The following LIN54 variants were observed in gnomAD, a reference collection of about 807,000 sequenced individuals.
LIN54 encodes lin-54 DREAM MuvB core complex component, also known as protein lin-54 homolog.
A neutral mutation model predicts 78.7 loss-of-function variants in LIN54; 9 were observed. The ratio of observed to expected loss-of-function variants is 0.11; its 90% CI spans 0.07 to 0.20. The LOEUF is 0.20. Among genes scored for constraint, LIN54 ranks in the 10% least tolerant of loss-of-function variants. LIN54 has a pLI of 1.00. For synonymous variants in LIN54, 269 were observed against 318.4 expected (o/e 0.84, Z 1.65); for missense variants, 573 against 889.9 (o/e 0.64, Z 4.53).
At chr4:82,989,605 A>C (rs1578624765) in intron 1 of LIN54, among the ~76,000 whole-genome samples, 1 of 152,310 alleles carries the variant, frequency 6.6e-6, no homozygotes, top group South Asian at 2.1e-4. Context: ...CAGCATATTT[A>C]GACATAGGGG....
At chr4:82,973,993 G>A (rs753379681) in intron 3 of LIN54, among the ~76,000 whole-genome samples, 2 of 151,884 alleles carry the variant, frequency 1.3e-5, no homozygotes, top group South Asian at 2.1e-4. Context: ...GGTGGATCAC[G>A]AGGTCAGGAG....
chr4:82,940,614 A>G (rs1341146954), intron 5 of LIN54, among the ~76,000 whole-genome samples: 3 of 152,196 alleles, frequency 2.0e-5, no homozygotes, highest in Non-Finnish European at 4.4e-5. Context: ...GCTGAACCCA[A>G]TGTCTCGAAC....
intron 2 of LIN54, among the ~76,000 whole-genome samples, chr4:82,980,691 A>G (rs549917546): frequency 4.0e-4 from 61 of 152,296 alleles, no homozygotes; most frequent in African/African-American, 1.1e-3. Context: ...CAAATTTCTC[A>G]AGTATGTTTA....
intron 4 of LIN54, among the ~76,000 whole-genome samples, chr4:82,966,201 T>C (rs1167110304): frequency 6.6e-6 from 1 of 152,194 alleles, no homozygotes; most frequent in African/African-American, 2.4e-5. Context: ...AGTTTCACAA[T>C]GGACATCCTC....
upstream of LIN54, chr4:83,010,856 C>A: frequency 1.6e-6 from 2 of 1,221,114 alleles, no homozygotes; most frequent in Non-Finnish European, 2.0e-6. Context: ...CCCTCCCCGC[C>A]CGCCCCACCC....
At chr4:82,964,711 CAA>C (rs34148102) in intron 4 of LIN54, among the ~76,000 whole-genome samples, 1 of 150,040 alleles carries the variant, frequency 6.7e-6, no homozygotes, top group East Asian at 1.9e-4. Context: ...CTTTATTGCT[CAA>C]AAAAAAAGAA....
At chr4:82,962,972 G>A (rs1724925672) in intron 4 of LIN54, among the ~76,000 whole-genome samples, 1 of 151,752 alleles carries the variant, frequency 6.6e-6, no homozygotes, top group Non-Finnish European at 1.5e-5. Context: ...TCAAATCATA[G>A]ATCCAAGAAG....
intron 5 of LIN54, 28 bp downstream of exon 5, chr4:82,946,230 T>C: frequency 6.5e-7 from 1 of 1,529,282 alleles, no homozygotes; most frequent in Non-Finnish European, 9.1e-7. Context: ...AAAGCATGAA[T>C]TACTGTTTTT....
chr4:82,937,829 A>G (rs562718018), intron 8 of LIN54, among the ~76,000 whole-genome samples: 16 of 152,208 alleles, frequency 1.1e-4, no homozygotes, highest in Middle Eastern at 3.2e-3. Flanking sequence ...TGAGGACCTC[A>G]CATAATTTTA....
chr4:82,952,023 C>CGTT, intron 4 of LIN54, among the ~76,000 whole-genome samples: 1 of 152,156 alleles, frequency 6.6e-6, no homozygotes, highest in East Asian at 1.9e-4. Context: ...CTAAAAAAAA[C>CGTT]TCTTAGAAGA....
chr4:82,978,504 CT>C (rs1726353654), intron 3 of LIN54, among the ~76,000 whole-genome samples: 1 of 152,192 alleles, frequency 6.6e-6, no homozygotes. Flanking sequence ...AATGCCTCCA[CT>C]TCCACACTGG....
Position 82,939,922 on chromosome 4 carries a change from T to G in LIN54, c.1209A>C (p.Ser403=). ...VVVNTTPVRM[S]VPIVSAQAVK... Reference sequence around the variant, plus strand: ...CAGCCTGAGCTGAGACAATTGGAACTGACATCCGCACTGGGGTTGTATTAA... The same window carrying G: ...CAGCCTGAGCTGAGACAATTGGAACGGACATCCGCACTGGGGTTGTATTAA... Residue 403 remains serine (S), a synonymous_variant, in exon 6 of 13, where the codon TCA becomes TCC. Coordinates refer to ENST00000340417, the MANE Select transcript of LIN54 (RefSeq NM_194282.4). The G allele has an allele frequency of 6.2e-7, 1 of 1,612,318 alleles. No individual in the cohort carries two copies. The highest frequency in any genetic ancestry group is 8.5e-7 in the Non-Finnish European group (1 of 1,179,488).
chr4:83,006,396 C>T (rs536809585), intron 1 of LIN54, among the ~76,000 whole-genome samples: 47 of 150,876 alleles, frequency 3.1e-4, no homozygotes, highest in South Asian at 1.7e-3. Context: ...TTGCAGTGAG[C>T]CAAGATTGCA....
intron 4 of LIN54, among the ~76,000 whole-genome samples, chr4:82,952,228 A>G (rs1487729461): frequency 1.3e-5 from 2 of 152,326 alleles, no homozygotes; most frequent in East Asian, 1.9e-4. Context: ...TCGTATATTG[A>G]TAAGTGATTA....
intron 12 of LIN54, 45 bp downstream of exon 12, chr4:82,930,898 A>G (rs765916991): frequency 7.0e-6 from 11 of 1,574,336 alleles, no homozygotes; most frequent in Non-Finnish European, 7.8e-6. Context: ...AACTTTACCA[A>G]AAGTATTTGG....
intron 1 of LIN54, among the ~76,000 whole-genome samples, chr4:82,995,266 C>T (rs530884327): frequency 3.3e-5 from 5 of 151,928 alleles, no homozygotes; most frequent in African/African-American, 1.2e-4. Flanking sequence ...TGCCACTGCA[C>T]TCTGGCCTGG....
At chr4:82,939,857 A>G (rs1229565134) in intron 6 of LIN54, 32 bp downstream of exon 6, 1 of 1,597,394 alleles carries the variant, frequency 6.3e-7, no homozygotes, top group African/African-American at 1.3e-5. Flanking sequence ...TCTATTTGGG[A>G]AAGACTGAGA....
At chr4:82,982,479 C>T (rs888557570) in intron 2 of LIN54, among the ~76,000 whole-genome samples, 2 of 152,212 alleles carry the variant, frequency 1.3e-5, no homozygotes, top group Non-Finnish European at 2.9e-5. Context: ...ATCTGCCCAC[C>T]TTGGCCTCCC....
At chr4:82,992,639 C>T (rs933013639) in intron 1 of LIN54, among the ~76,000 whole-genome samples, 4 of 152,296 alleles carry the variant, frequency 2.6e-5, no homozygotes, top group African/African-American at 7.2e-5. Context: ...ACTGAAGCGT[C>T]GAATTCCCAG....
Sources: gnomAD v4.1 joint callset for allele counts (sites outside exome capture counted in the v4.1 genomes callset) on GRCh38, gnomAD v4.1.1 for gene constraint, MANE v1.5 for transcripts, NCBI Gene and HGNC (gene_info 2026-07-23, HGNC 2026-07-21) for gene names.